NBEA: variants seen among roughly 807,000 people sequenced by gnomAD.
NBEA encodes lysosomal-trafficking regulator 2.
NBEA carries 44 observed loss-of-function variants against 343.4 expected under a neutral mutation model. That is an observed-to-expected ratio of 0.13 (90% CI 0.10 to 0.16). NBEA has a LOEUF of 0.16. Among genes scored for constraint, NBEA ranks in the 10% least tolerant of loss-of-function variants. NBEA has a pLI of 1.00. For missense variants in NBEA, 2,555 were observed against 3,631.3 expected, an observed-to-expected ratio of 0.70 and a Z score of 7.62; for synonymous variants, 1,175 against 1,238.7, an observed-to-expected ratio of 0.95 and a Z score of 1.08.
chr13:35,152,134 T>C (rs2068828970), intron 18 of NBEA, among the ~76,000 whole-genome samples: 1 of 152,214 alleles, frequency 6.6e-6, no homozygotes, highest in Non-Finnish European at 1.5e-5. Flanking sequence ...TAAGATCTTA[T>C]AACCTAAATG....
At chr13:35,076,855 A>G (rs1436260206) in intron 10 of NBEA, among the ~76,000 whole-genome samples, 3 of 151,892 alleles carry the variant, frequency 2.0e-5, no homozygotes, top group African/African-American at 7.2e-5. Context: ...ATTTCTTTTA[A>G]CTGTCTTACA....
chr13:35,635,243 T>C (rs1423405633), intron 49 of NBEA, among the ~76,000 whole-genome samples: 6 of 152,158 alleles, frequency 3.9e-5, no homozygotes, highest in Non-Finnish European at 7.3e-5. Flanking sequence ...TTTCTGATTC[T>C]CTTTGATATG....
intron 34 of NBEA, among the ~76,000 whole-genome samples, chr13:35,259,973 A>G (rs1420217230): frequency 6.6e-6 from 1 of 152,236 alleles, no homozygotes; most frequent in Non-Finnish European, 1.5e-5. Flanking sequence ...ATTGACAATC[A>G]GTGCTTTAAC....
intron 30 of NBEA, among the ~76,000 whole-genome samples, chr13:35,194,447 T>C (rs2072432094): frequency 1.3e-5 from 2 of 152,128 alleles, no homozygotes; most frequent in Non-Finnish European, 2.9e-5. Context: ...AGAGAAGTTA[T>C]ATAGAATTTA....
At chr13:35,349,751 T>C (rs1024204122) in intron 37 of NBEA, among the ~76,000 whole-genome samples, 3 of 152,118 alleles carry the variant, frequency 2.0e-5, no homozygotes, top group South Asian at 4.1e-4. Context: ...CAATTTATTC[T>C]CCTGATACAA....
intron 23 of NBEA, among the ~76,000 whole-genome samples, chr13:35,162,265 G>C (rs2069621154): frequency 6.6e-6 from 1 of 152,040 alleles, no homozygotes; most frequent in African/African-American, 2.4e-5. Flanking sequence ...GTAAACCATG[G>C]CCTTTCTAAA....
At chr13:35,296,977 A>G (rs1252422106) in intron 35 of NBEA, among the ~76,000 whole-genome samples, 1 of 152,078 alleles carries the variant, frequency 6.6e-6, no homozygotes, top group Non-Finnish European at 1.5e-5. Flanking sequence ...CAAAAATAGT[A>G]CACAGAGTCC....
intron 18 of NBEA, among the ~76,000 whole-genome samples, chr13:35,149,637 A>G (rs2068648184): frequency 6.6e-6 from 1 of 152,048 alleles, no homozygotes; most frequent in Admixed American, 6.6e-5. Flanking sequence ...TTATGTTTTG[A>G]TTTTTTGGAC....
chr13:35,490,002 A>G (rs2076445534), intron 41 of NBEA, among the ~76,000 whole-genome samples: 1 of 152,022 alleles, frequency 6.6e-6, no homozygotes, highest in African/African-American at 2.4e-5. Context: ...CCAAGTAGTC[A>G]GTGATTCAGT....
At chr13:35,299,356 A>C (rs1365123265) in intron 35 of NBEA, among the ~76,000 whole-genome samples, 3 of 152,176 alleles carry the variant, frequency 2.0e-5, no homozygotes, top group African/African-American at 4.8e-5. Context: ...CATTGAGTTG[A>C]CATAGATGGG....
chr13:35,594,625 A>C (rs1208086877), intron 47 of NBEA, among the ~76,000 whole-genome samples: 1 of 152,066 alleles, frequency 6.6e-6, no homozygotes, highest in East Asian at 1.9e-4. Context: ...TGAGACTTAA[A>C]CTCTAAAATA....
At chr13:35,619,746 A>T (rs1238577812) in intron 48 of NBEA, among the ~76,000 whole-genome samples, 1 of 152,178 alleles carries the variant, frequency 6.6e-6, no homozygotes, top group African/African-American at 2.4e-5. Flanking sequence ...TGTCAGGTGC[A>T]GCTTACCGCA....
chr13:35,387,421 A>G (rs1390656392), intron 38 of NBEA, among the ~76,000 whole-genome samples: 1 of 151,798 alleles, frequency 6.6e-6, no homozygotes, highest in East Asian at 1.9e-4. Context: ...GAAAATTACT[A>G]ATGGATTAAT....
At chr13:35,627,543 G>C (rs2083281561) in intron 48 of NBEA, among the ~76,000 whole-genome samples, 2 of 151,938 alleles carry the variant, frequency 1.3e-5, no homozygotes, top group Admixed American at 1.3e-4. Context: ...AAATTGCCCA[G>C]TGATTCCCAA....
At chr13:35,016,437 C>T (rs1458598624) in intron 1 of NBEA, among the ~76,000 whole-genome samples, 1 of 152,090 alleles carries the variant, frequency 6.6e-6, no homozygotes, top group Non-Finnish European at 1.5e-5. Flanking sequence ...GGACATTTGA[C>T]AACTCATTTG....
chr13:34,962,070 C>T (rs1165490785), intron 1 of NBEA, among the ~76,000 whole-genome samples: 3 of 152,052 alleles, frequency 2.0e-5, no homozygotes, highest in East Asian at 3.9e-4. Context: ...TTTTATTTTA[C>T]ATTTTTCTTT....
intron 47 of NBEA, among the ~76,000 whole-genome samples, chr13:35,593,753 C>A (rs1437067015): frequency 1.3e-5 from 2 of 152,074 alleles, no homozygotes; most frequent in Non-Finnish European, 2.9e-5. Flanking sequence ...AATATTTGGT[C>A]CATTCCATAA....
chr13:34,943,973 T>C (rs1210578539), intron 1 of NBEA, among the ~76,000 whole-genome samples: 5 of 152,186 alleles, frequency 3.3e-5, no homozygotes, highest in Admixed American at 6.5e-5. Flanking sequence ...GCGTTTAAGA[T>C]GTCAGGGAAA....
intron 41 of NBEA, among the ~76,000 whole-genome samples, chr13:35,521,584 T>C (rs1485235443): frequency 6.6e-6 from 1 of 152,182 alleles, no homozygotes; most frequent in African/African-American, 2.4e-5. Context: ...TTCTGCTTCA[T>C]CGTTGTTTCT....
Sources: allele counts gnomAD v4.1 joint callset (sites outside exome capture counted in the v4.1 genomes callset), GRCh38; gene constraint gnomAD v4.1.1; transcripts MANE v1.5; gene names NCBI Gene and HGNC (gene_info 2026-07-23, HGNC 2026-07-21).